TANC2: variants seen among roughly 807,000 people sequenced by gnomAD.
TANC2 encodes the protein tetratricopeptide repeat, ankyrin repeat and coiled-coil containing 2.
Under a neutral mutation model 210.5 loss-of-function variants are expected in TANC2, and 26 were observed. That is an observed-to-expected ratio of 0.12 (90% CI 0.09 to 0.17). The LOEUF (loss-of-function observed/expected upper bound fraction) is 0.17, where lower values mean the gene tolerates loss of function less well. TANC2 is among the 10% of genes least tolerant of loss of function. TANC2 has a pLI of 1.00. For synonymous variants in TANC2, 931 were observed against 967.1 expected (o/e 0.96, Z 0.69); for missense variants, 2,129 against 2,608.9 (o/e 0.82, Z 4.01).
intron 1 of TANC2, among the ~76,000 whole-genome samples, chr17:63,003,378 C>T (rs1016694033): frequency 2.6e-5 from 4 of 152,178 alleles, no homozygotes; most frequent in African/African-American, 7.2e-5. Flanking sequence ...AAGACACACC[C>T]CACAGTGGAT....
chr17:63,358,928 CATG>C (rs2046868450), intron 14 of TANC2, among the ~76,000 whole-genome samples: 1 of 151,212 alleles, frequency 6.6e-6, no homozygotes. Context: ...TCTCAATTTT[CATG>C]ATATCTAACT....
At chr17:63,068,156 CA>C (rs1309109749) in intron 2 of TANC2, among the ~76,000 whole-genome samples, 14 of 151,824 alleles carry the variant, frequency 9.2e-5, no homozygotes. Context: ...AAAGTTGTGG[CA>C]AAAATAGGCA....
chr17:63,284,772 C>A lies in TANC2; in HGVS notation c.1159+16899C>A, dbSNP rs114389548. Among the ~76,000 whole-genome samples, 1,105 of 151,924 alleles carry A rather than the reference C, an allele frequency of 7.3e-3. 16 individuals are homozygous for A. Among genetic ancestry groups the A allele is most frequent in the African/African-American group, 0.026 (1,064 of 41,488 alleles). ...ATAGGTCAAATTGTTTTTTTCAAGT[C>A]TTCTATATCCTTGCTGATTTTCTAC... On this transcript the variant is annotated intron_variant, in intron 9 of 27. Transcript: ENST00000689528.
At chr17:63,267,303 G>A (rs973154395) in intron 8 of TANC2, among the ~76,000 whole-genome samples, 1 of 151,942 alleles carries the variant, frequency 6.6e-6, no homozygotes, top group African/African-American at 2.4e-5. Context: ...TACTGTCTCT[G>A]CAGCTTTCAT....
chr17:63,201,281 T>G (rs977746576), intron 7 of TANC2, among the ~76,000 whole-genome samples: 1 of 152,200 alleles, frequency 6.6e-6, no homozygotes, highest in Non-Finnish European at 1.5e-5. Context: ...AGTTCATTCC[T>G]TACTGGTATA....
intron 12 of TANC2, among the ~76,000 whole-genome samples, chr17:63,345,672 T>C (rs1382524185): frequency 7.1e-6 from 1 of 141,822 alleles, no homozygotes; most frequent in African/African-American, 2.6e-5. Flanking sequence ...TCTGTAAAAA[T>C]GGACAACTTT....
intron 2 of TANC2, among the ~76,000 whole-genome samples, chr17:63,018,497 TAAATA>T (rs2034209065): frequency 6.7e-6 from 1 of 148,742 alleles, no homozygotes; most frequent in Admixed American, 6.7e-5. Flanking sequence ...AAAAAATAAA[TAAATA>T]AATAAAATAA....
intron 2 of TANC2, among the ~76,000 whole-genome samples, chr17:63,043,216 T>C (rs1412777223): frequency 6.6e-6 from 1 of 152,092 alleles, no homozygotes; most frequent in Admixed American, 6.6e-5. Context: ...GTAAAGTCTA[T>C]GTACTTTAAG....
intron 9 of TANC2, among the ~76,000 whole-genome samples, chr17:63,284,291 GC>G (rs2044153523): frequency 6.6e-6 from 1 of 151,852 alleles, no homozygotes; most frequent in African/African-American, 2.4e-5. Flanking sequence ...TAAGAGAAAA[GC>G]TACTTGGTCA....
At chr17:63,106,042 T>TTCAGGG (rs1387590339) in intron 4 of TANC2, among the ~76,000 whole-genome samples, 2 of 151,672 alleles carry the variant, frequency 1.3e-5, no homozygotes, top group African/African-American at 4.9e-5. Context: ...CTGGACCTCA[T>TTCAGGG]TCAGGGTACT....
At chr17:63,091,769 G>T (rs1012749653) in intron 3 of TANC2, among the ~76,000 whole-genome samples, 3 of 152,096 alleles carry the variant, frequency 2.0e-5, no homozygotes, top group Non-Finnish European at 4.4e-5. Flanking sequence ...GTAGCTTGAT[G>T]GGGATGGCAT....
chr17:63,271,737 A>G (rs1328630141), intron 9 of TANC2, among the ~76,000 whole-genome samples: 2 of 151,252 alleles, frequency 1.3e-5, no homozygotes, highest in Non-Finnish European at 2.9e-5. Flanking sequence ...GTGACTGCTC[A>G]TGTCCTTTGT....
chr17:62,983,945 TTGTC>T (rs1444851129), intron 1 of TANC2, among the ~76,000 whole-genome samples: 3 of 152,040 alleles, frequency 2.0e-5, no homozygotes, highest in Admixed American at 1.3e-4. Flanking sequence ...TGTTGTGTCT[TTGTC>T]TGGTTTTGGT....
intron 8 of TANC2, among the ~76,000 whole-genome samples, chr17:63,245,842 CAAA>C (rs60766720): frequency 2.2e-5 from 2 of 91,360 alleles, no homozygotes; most frequent in Admixed American, 1.2e-4. Flanking sequence ...GACTCCTTAT[CAAA>C]AAAAAAAAAA....
chr17:63,414,847 G>A (rs979430237), intron 25 of TANC2, among the ~76,000 whole-genome samples: 1 of 152,206 alleles, frequency 6.6e-6, no homozygotes, highest in African/African-American at 2.4e-5. Context: ...GTTCAAGGTC[G>A]CTGTGGCCAG....
chr17:63,271,703 T>C (rs1025844915), intron 9 of TANC2, among the ~76,000 whole-genome samples: 5 of 149,938 alleles, frequency 3.3e-5, no homozygotes, highest in African/African-American at 9.7e-5. Flanking sequence ...GCTGGTTGGC[T>C]GCATGTTTGT....
intron 9 of TANC2, among the ~76,000 whole-genome samples, chr17:63,270,061 G>C (rs1002512944): frequency 6.6e-6 from 1 of 152,102 alleles, no homozygotes; most frequent in African/African-American, 2.4e-5. Flanking sequence ...CCTTTTAGCA[G>C]TCTAAACGGT....
intron 21 of TANC2, among the ~76,000 whole-genome samples, chr17:63,407,144 C>G (rs7211831): frequency 0.072 from 11,038 of 152,276 alleles, 1,262 homozygotes; most frequent in African/African-American, 0.24. Context: ...AGATTTCAAA[C>G]TACAGCTCAG....
intron 2 of TANC2, among the ~76,000 whole-genome samples, chr17:63,073,148 C>T (rs1023491028): frequency 5.3e-5 from 8 of 151,896 alleles, no homozygotes; most frequent in Admixed American, 4.6e-4. Context: ...GGTGTATAGA[C>T]CACTATGTTA....
Sources: allele counts gnomAD v4.1 joint callset (sites outside exome capture counted in the v4.1 genomes callset), GRCh38; gene constraint gnomAD v4.1.1; transcripts MANE v1.5; gene names NCBI Gene and HGNC (gene_info 2026-07-23, HGNC 2026-07-21).